Variants in HOXB4 observed in about 807,000 individuals in gnomAD.
The protein encoded by HOXB4 is homeobox protein Hox-B4.
HOXB4 carries 13 observed loss-of-function variants against 20.0 expected under a neutral mutation model. The observed-to-expected ratio is 0.65, with a 90% CI of 0.42 to 1.03. The LOEUF (loss-of-function observed/expected upper bound fraction) is 1.03, where lower values mean the gene tolerates loss of function less well. Among genes scored for constraint, HOXB4 ranks in the 50% least tolerant of loss-of-function variants. The pLI, the probability that HOXB4 is intolerant of heterozygous loss-of-function variation, is 0.00. For synonymous variants in HOXB4, 173 were observed against 148.9 expected, an observed-to-expected ratio of 1.16 and a Z score of -1.18; for missense variants, 343 against 357.1, an observed-to-expected ratio of 0.96 and a Z score of 0.32.
Position 48,578,059 on chromosome 17 carries a change from G to C in HOXB4, c.261C>G (p.Pro87=). 7.7e-6 allele frequency: 9 copies of C among 1,169,532 alleles called. No individual in the cohort carries two copies. The highest frequency in any genetic ancestry group is 9.7e-6 in the Non-Finnish European group (9 of 924,126). The allele number at this position is 1,169,532 out of a possible 1,614,324, so 72.4% of individuals were successfully genotyped here. A position where few individuals can be genotyped will look rare whatever the true frequency, so the allele number is the denominator to read the frequency against. Residue 87 remains proline (P), a synonymous_variant, in exon 1 of 2, where the codon CCC becomes CCG. Coordinates refer to ENST00000332503, the MANE Select transcript of HOXB4 (RefSeq NM_024015.5). The stretch of plus-strand genomic sequence containing the variant: ...GCGCAGGAGCCCGAGGGGACAGACC[G>C]GGCGGTGGCGGGGGCGGCGGGGGTG... ...PPPPPPPPPP[P]GLSPRAPAPP...
At position 48,578,305 on chromosome 17, in the gene HOXB4, AG is replaced by A; in HGVS notation, c.14del (p.Ser5PhefsTer3). 6.2e-7 allele frequency: 1 copy of A among 1,610,112 alleles called. No homozygotes were observed. The highest frequency in any genetic ancestry group is 8.5e-7 in the Non-Finnish European group (1 of 1,178,118). Reference protein sequence around the residue: MAMSSFLINSNYVDP... With the variant: MAMSXFLINSNYVDP... Reference sequence around the variant, plus strand: ...CGACATAGTTTGAGTTGATCAAAAAAGAACTCATAGCCATTAATTTCTGGGA... The same window carrying A: ...CGACATAGTTTGAGTTGATCAAAAAAAACTCATAGCCATTAATTTCTGGGA... On this transcript the variant is annotated frameshift_variant, in exon 1 of 2. Transcript: ENST00000332503. LOFTEE classifies it high-confidence loss of function.
In HOXB4 at chr17:48,578,080, G is replaced by GGGA. The variant is rs2069828949; in HGVS notation, c.239_240insTCC (p.Pro87dup). ...GACCGGGCGGTGGCGGGGGCGGCGGGGGTGGTGGCGGAGGCGGCGGGGGCC... is the reference window on the plus strand; with the variant it reads ...GACCGGGCGGTGGCGGGGGCGGCGGGGGAGGTGGTGGCGGAGGCGGCGGGGGCC... On this transcript the variant is annotated inframe_insertion, in exon 1 of 2. Transcript: ENST00000332503. 1 of 1,059,926 alleles carries GGGA rather than the reference G, an allele frequency of 9.4e-7. No homozygotes were observed. 65.7% of individuals were successfully genotyped at this position (1,059,926 alleles called of 1,614,324 possible).
intron 1 of HOXB4, among the ~76,000 whole-genome samples, chr17:48,577,511 C>G (rs1454210329): frequency 6.6e-6 from 1 of 152,216 alleles, no homozygotes; most frequent in Non-Finnish European, 1.5e-5. Context: ...ACTCAACTCT[C>G]TGCTTAAATA....
rs1207731630 is a variant in HOXB4 at position 48,578,076 on chromosome 17, G to T, written c.244C>A (p.Pro82Thr). 2.8e-6 allele frequency: 3 copies of T among 1,082,226 alleles called. No individual in the cohort carries two copies. The highest frequency in any genetic ancestry group is 8.8e-5 in the Admixed American group (2 of 22,746). The allele number at this position is 1,082,226 out of a possible 1,614,324, so 67.0% of individuals were successfully genotyped here. The change falls in exon 1 of 2, where the codon CCG becomes ACG. Residue 82 changes from proline (P) to threonine (T), a missense_variant. This residue lies in a region of HOXB4 where 241 missense variants were observed against 222.0 expected (regional missense o/e 1.09). Transcript: ENST00000332503. ...GPPPPPPPPP[P>T]PPPPPGLSPR... ...GACAGACCGGGCGGTGGCGGGGGCG[G>T]CGGGGGTGGTGGCGGAGGCGGCGGG...
rs1178178051 is a variant in HOXB4, at chr17:48,576,435, T to C, written c.*287A>G. ...TCCTCCTATTTCTCTTTCTGTCTTT[T>C]TCTTTCTTCCTTCTTCTTGCTTTTT... On this transcript the variant is annotated 3_prime_UTR_variant, in exon 2 of 2. Coordinates refer to ENST00000332503, the MANE Select transcript of HOXB4 (RefSeq NM_024015.5). 6.0e-6 allele frequency: 2 copies of C among 333,380 alleles called. No homozygotes were observed. Among genetic ancestry groups the C allele is most frequent in the Non-Finnish European group, 5.4e-6 (1 of 184,994 alleles). 20.7% of individuals were successfully genotyped at this position (333,380 alleles called of 1,614,324 possible).
In HOXB4 at chr17:48,575,731, G is replaced by A. The variant is rs1468307375; in HGVS notation, c.*991C>T. On this transcript the variant is annotated 3_prime_UTR_variant, in exon 2 of 2. Transcript: ENST00000332503. ...TAAACGATGCAACATAATAAACTAT[G>A]GGAGAGGGCTCTGCAACATCCTCCT... The A allele has an allele frequency of 6.6e-6, 1 of 152,508 alleles. No individual in the cohort carries two copies. The highest frequency in any genetic ancestry group is 1.5e-5 in the Non-Finnish European group (1 of 68,022). The allele number at this position is 152,508 out of a possible 1,614,324, so 9.4% of individuals were successfully genotyped here.
chr17:48,577,791 A>G, intron 1 of HOXB4, 72 bp downstream of exon 1: 1 of 1,277,468 alleles, frequency 7.8e-7, no homozygotes, highest in Non-Finnish European at 1.0e-6. Context: ...CCCCCCCCCA[A>G]CCCATGCCTC....
At position 48,576,459 on chromosome 17, in the gene HOXB4, TTC is replaced by T. The variant is rs1468450160; in HGVS notation, c.*261_*262del. Reference sequence around the variant, plus strand: ...TTTCTTTCTTCCTTCTTCTTGCTTTTTCTTTTTCTTTTTTTTAAGAAAGAAAG... The same window carrying T: ...TTTCTTTCTTCCTTCTTCTTGCTTTTTTTTTCTTTTTTTTAAGAAAGAAAG... On this transcript the variant is annotated 3_prime_UTR_variant, in exon 2 of 2. Transcript: ENST00000332503. 5.2e-6 allele frequency: 2 copies of T among 383,552 alleles called. No individual in the cohort carries two copies. Among genetic ancestry groups the T allele is most frequent in the East Asian group, 3.9e-5 (1 of 25,784 alleles). The allele number at this position is 383,552 out of a possible 1,614,324, so 23.8% of individuals were successfully genotyped here. A position where few individuals can be genotyped will look rare whatever the true frequency, so the allele number is the denominator to read the frequency against.
chr17:48,577,943 G>C lies in HOXB4; in HGVS notation c.377C>G (p.Pro126Arg). Residue 126 changes from proline to arginine, a missense_variant, in exon 1 of 2, where the codon CCC (proline) becomes CGC (arginine). Physicochemically the swap from Pro to Arg is moderately radical, Grantham distance 103. Coordinates refer to ENST00000332503, the MANE Select transcript of HOXB4 (RefSeq NM_024015.5). ...GGAGTGGGACGGGCTGGGGTGCAGG[G>C]GGTTCTGGGCGCAGGGAGGCGGCGG... ...SPPPPPCAQNPLHPSPSHSAC... is the reference protein window; with the variant it reads ...SPPPPPCAQNRLHPSPSHSAC... The C allele has an allele frequency of 1.5e-6, 2 of 1,338,936 alleles. No individual in the cohort carries two copies. Among genetic ancestry groups the C allele is most frequent in the Non-Finnish European group, 9.6e-7 (1 of 1,038,494 alleles). 82.9% of individuals were successfully genotyped at this position (1,338,936 alleles called of 1,614,324 possible). A position where few individuals can be genotyped will look rare whatever the true frequency, so the allele number is the denominator to read the frequency against.
At chr17:48,577,799 C>A in intron 1 of HOXB4, 64 bp downstream of exon 1, 1 of 1,323,888 alleles carries the variant, frequency 7.6e-7, no homozygotes, top group Non-Finnish European at 9.7e-7. Context: ...CAACCCATGC[C>A]TCCGAAGTCC....
Position 48,576,654 on chromosome 17 carries a change from C to A in HOXB4, c.*68G>T. 1.5e-6 allele frequency: 1 copy of A among 645,460 alleles called. No individual in the cohort carries two copies. The highest frequency in any genetic ancestry group is 4.7e-5 in the East Asian group (1 of 21,480). 40.0% of individuals were successfully genotyped at this position (645,460 alleles called of 1,614,324 possible). On this transcript the variant is annotated 3_prime_UTR_variant, in exon 2 of 2. Coordinates refer to ENST00000332503, the MANE Select transcript of HOXB4 (RefSeq NM_024015.5). ...AGGCCCCAGGGCCCCCTCCTGTCCC[C>A]CCACCCCATCCCCTGCACTCACTGC...
Position 48,576,682 on chromosome 17 carries a change from A to AC in HOXB4, c.*39dup. ...ACCCCATCCCCTGCACTCACTGCCC[A>AC]CCCCCACCCCGAGGTTCGTGGCTCC... On this transcript the variant is annotated 3_prime_UTR_variant, in exon 2 of 2. Coordinates refer to ENST00000332503, the MANE Select transcript of HOXB4 (RefSeq NM_024015.5). 1 of 264,108 alleles carries AC rather than the reference A, an allele frequency of 3.8e-6. No individual in the cohort carries two copies. The highest frequency in any genetic ancestry group is 5.5e-6 in the Non-Finnish European group (1 of 182,440). The allele number at this position is 264,108 out of a possible 1,614,324, so 16.4% of individuals were successfully genotyped here. A position where few individuals can be genotyped will look rare whatever the true frequency, so the allele number is the denominator to read the frequency against.
Position 48,576,383 on chromosome 17 carries a change from C to T in HOXB4, c.*339G>A, listed in dbSNP as rs1172052753. 4.6e-6 allele frequency: 1 copy of T among 215,264 alleles called. No individual in the cohort carries two copies. The highest frequency in any genetic ancestry group is 9.1e-6 in the Non-Finnish European group (1 of 109,980). The allele number at this position is 215,264 out of a possible 1,614,324, so 13.3% of individuals were successfully genotyped here. A position where few individuals can be genotyped will look rare whatever the true frequency, so the allele number is the denominator to read the frequency against. ...AGATGAAACGTGGATCCATCTTCGCCAAAGCTGAAAACGAGGAGCTGCAGC... is the reference window on the plus strand; with the variant it reads ...AGATGAAACGTGGATCCATCTTCGCTAAAGCTGAAAACGAGGAGCTGCAGC... On this transcript the variant is annotated 3_prime_UTR_variant, in exon 2 of 2. Transcript: ENST00000332503.
chr17:48,576,615 T>G lies in HOXB4; in HGVS notation c.*107A>C. 3 of 1,035,618 alleles carry G rather than the reference T, an allele frequency of 2.9e-6. No homozygotes were observed. Among genetic ancestry groups the G allele is most frequent in the African/African-American group, 1.6e-5 (1 of 61,932 alleles). The allele number at this position is 1,035,618 out of a possible 1,614,324, so 64.2% of individuals were successfully genotyped here. Reference sequence around the variant, plus strand: ...TAAAGTGTGGGGGAGGGCAGATAGATTTTTCCGGGGCCCAGGCCCCAGGGC... The same window carrying G: ...TAAAGTGTGGGGGAGGGCAGATAGAGTTTTCCGGGGCCCAGGCCCCAGGGC... On this transcript the variant is annotated 3_prime_UTR_variant, in exon 2 of 2. Transcript: ENST00000332503.
In HOXB4 at chr17:48,576,595, T is replaced by C; in HGVS notation, c.*127A>G. On this transcript the variant is annotated 3_prime_UTR_variant, in exon 2 of 2. Transcript: ENST00000332503. The stretch of plus-strand genomic sequence containing the variant: ...CTTCTGCGTTTATTCGTATATAAAG[T>C]GTGGGGGAGGGCAGATAGATTTTTC... 1 of 759,262 alleles carries C rather than the reference T, an allele frequency of 1.3e-6. No homozygotes were observed. Among genetic ancestry groups the C allele is most frequent in the East Asian group, 2.7e-5 (1 of 36,706 alleles). The allele number at this position is 759,262 out of a possible 1,614,324, so 47.0% of individuals were successfully genotyped here.
rs1210528934 is a variant in HOXB4, at chr17:48,577,867, G to A, written c.453C>T (p.Ser151=). Residue 151 remains serine (S), a synonymous_variant, in exon 1 of 2, where the codon AGC becomes AGT. Coordinates refer to ENST00000332503, the MANE Select transcript of HOXB4 (RefSeq NM_024015.5). ...VYPWMRKVHV[S]TVNPNYAGGE... is the part of the protein sequence containing the mutation. ...AAGGGGTGCCCACGCACTCACCCGTGCTCACGTGAACTTTGCGCATCCAGG... is the reference window on the plus strand; with the variant it reads ...AAGGGGTGCCCACGCACTCACCCGTACTCACGTGAACTTTGCGCATCCAGG... 2.9e-6 allele frequency: 4 copies of A among 1,403,014 alleles called. No homozygotes were observed. The highest frequency in any genetic ancestry group is 2.9e-5 in the Admixed American group (1 of 34,306). 86.9% of individuals were successfully genotyped at this position (1,403,014 alleles called of 1,614,324 possible).
Position 48,578,227 on chromosome 17 carries a change from G to C in HOXB4, c.93C>G (p.Ser31Arg), listed in dbSNP as rs762628230. 2 of 1,613,916 alleles carry C rather than the reference G, an allele frequency of 1.2e-6. No individual in the cohort carries two copies. Among genetic ancestry groups the C allele is most frequent in the Non-Finnish European group, 1.7e-6 (2 of 1,179,886 alleles). The change falls in exon 1 of 2, where the codon AGC (serine) becomes AGG (arginine). Residue 31 changes from serine (S) to arginine (R), a missense_variant. Ser to Arg is a moderately radical substitution (Grantham distance 110). Coordinates refer to ENST00000332503, the MANE Select transcript of HOXB4 (RefSeq NM_024015.5). ...EEYSQSDYLPSDHSPGYYAGG... is the reference protein window; with the variant it reads ...EEYSQSDYLPRDHSPGYYAGG... ...CGGCGTAGTACCCGGGCGAGTGGTC[G>C]CTGGGTAGGTAATCGCTCTGTGAAT...
chr17:48,577,154 G>A lies in HOXB4; in HGVS notation c.458-134C>T, dbSNP rs2144887138. On this transcript the variant is annotated intron_variant, in intron 1 of 1. Coordinates refer to ENST00000332503, the MANE Select transcript of HOXB4 (RefSeq NM_024015.5). ...TCTTCTTCCTTCTGAGGGAGAGCGG[G>A]GAAAAACGAAAAGGGAAGAATGCAA... The A allele has an allele frequency of 2.2e-6, 2 of 896,056 alleles. 1 individual carries two copies. The highest frequency in any genetic ancestry group is 3.5e-5 in the South Asian group (2 of 56,344). The allele number at this position is 896,056 out of a possible 1,614,324, so 55.5% of individuals were successfully genotyped here. A position where few individuals can be genotyped will look rare whatever the true frequency, so the allele number is the denominator to read the frequency against.
rs959354745 is a variant in HOXB4, at chr17:48,575,547, T to G, written c.*1175A>C. ...ACCAAACATTTATTTCTATTGTCAC[T>G]CTGTACAGCACACAGATATTCACAC... is the stretch of plus-strand genomic sequence containing the variant. On this transcript the variant is annotated 3_prime_UTR_variant, in exon 2 of 2. Coordinates refer to ENST00000332503, the MANE Select transcript of HOXB4 (RefSeq NM_024015.5). The G allele has an allele frequency of 2.6e-5, 4 of 152,424 alleles. No individual in the cohort carries two copies. The highest frequency in any genetic ancestry group is 9.7e-5 in the African/African-American group (4 of 41,400). The allele number at this position is 152,424 out of a possible 1,614,324, so 9.4% of individuals were successfully genotyped here.
Sources: gnomAD v4.1 joint callset for allele counts (sites outside exome capture counted in the v4.1 genomes callset) on GRCh38, gnomAD v4.1.1 for gene constraint, gnomAD v4.1.1 regional missense constraint, MANE v1.5 for transcripts, NCBI Gene and HGNC (gene_info 2026-07-23, HGNC 2026-07-21) for gene names.